Variants in ANO3 observed in about 807,000 individuals in gnomAD.
ANO3 encodes anoctamin-3.
In ANO3, 99 loss-of-function variants were observed where a neutral mutation model predicts 144.8. The observed-to-expected ratio is 0.68, with a 90% confidence interval of 0.58 to 0.81. ANO3 has a LOEUF of 0.81. ANO3 is among the 30% of genes least tolerant of loss of function. The pLI is 0.00. For missense variants in ANO3, 905 were observed against 1,202.2 expected (o/e 0.75, Z 3.66); for synonymous variants, 414 against 392.6 (o/e 1.05, Z -0.64).
intron 6 of ANO3, among the ~76,000 whole-genome samples, chr11:26,517,489 C>G (rs1248055692): frequency 6.6e-6 from 1 of 151,998 alleles, no homozygotes; most frequent in African/African-American, 2.4e-5. Flanking sequence ...TATTGAGTAT[C>G]TTGTGTTTTA....
intron 1 of ANO3, among the ~76,000 whole-genome samples, chr11:26,243,234 T>C (rs1336247274): frequency 6.6e-6 from 1 of 152,160 alleles, no homozygotes; most frequent in Non-Finnish European, 1.5e-5. Flanking sequence ...GTTGCCAGGC[T>C]GGGTATAATC....
chr11:26,330,277 T>TA (rs201778109), upstream of ANO3, among the ~76,000 whole-genome samples: 649 of 151,942 alleles, frequency 4.3e-3, 5 homozygotes, highest in Middle Eastern at 0.024. Flanking sequence ...GAACAAAATT[T>TA]AAAAAAAACA....
chr11:26,264,368 A>T (rs1853260027), intron 1 of ANO3, among the ~76,000 whole-genome samples: 1 of 152,224 alleles, frequency 6.6e-6, no homozygotes, highest in Admixed American at 6.5e-5. Flanking sequence ...GGCACCAGAT[A>T]ATCCCTGAAA....
intron 4 of ANO3, among the ~76,000 whole-genome samples, chr11:26,463,920 G>A (rs7124984): frequency 0.074 from 11,067 of 149,958 alleles, 684 homozygotes; most frequent in African/African-American, 0.17. Context: ...CATTTTTTGT[G>A]TTGATGAAAA....
intron 24 of ANO3, among the ~76,000 whole-genome samples, chr11:26,648,987 G>A (rs1177382748): frequency 6.6e-6 from 1 of 152,138 alleles, no homozygotes; most frequent in African/African-American, 2.4e-5. Flanking sequence ...GGTGATAAAG[G>A]GATGGATATT....
chr11:26,307,721 A>AAATAATAATAATAATAAT (rs56805697), upstream of ANO3, among the ~76,000 whole-genome samples: 11 of 142,512 alleles, frequency 7.7e-5, no homozygotes, highest in Non-Finnish European at 1.2e-4. Flanking sequence ...CTCCGTCTCT[A>AAATAATAATAATAATAAT]AATAATAATA....
chr11:26,217,318 A>T (rs1852053552), intron 1 of ANO3, among the ~76,000 whole-genome samples: 1 of 151,902 alleles, frequency 6.6e-6, no homozygotes, highest in African/African-American at 2.4e-5. Flanking sequence ...GACATTTTTT[A>T]AAATCATCCC....
chr11:26,629,568 G>A (rs1436294618), intron 18 of ANO3, among the ~76,000 whole-genome samples: 13 of 152,142 alleles, frequency 8.5e-5, no homozygotes, highest in Non-Finnish European at 1.5e-5. Flanking sequence ...CAACGTGATA[G>A]GGAGACAGAC....
chr11:26,348,205 C>G (rs1855544407), intron 1 of ANO3, among the ~76,000 whole-genome samples: 1 of 152,076 alleles, frequency 6.6e-6, no homozygotes, highest in Non-Finnish European at 1.5e-5. Flanking sequence ...TATATTATGC[C>G]TTAAATTCTT....
chr11:26,502,494 C>A (rs2134126508), intron 4 of ANO3, among the ~76,000 whole-genome samples: 1 of 152,168 alleles, frequency 6.6e-6, no homozygotes, highest in Admixed American at 6.6e-5. Flanking sequence ...TACTAACTCA[C>A]AAGTATGGTT....
intron 1 of ANO3, among the ~76,000 whole-genome samples, chr11:26,408,653 C>T (rs2133983164): frequency 6.6e-6 from 1 of 150,424 alleles, no homozygotes; most frequent in South Asian, 2.1e-4. Context: ...ATAAATCATG[C>T]TGCTATAAAG....
chr11:26,389,706 T>A (rs1386508595), intron 1 of ANO3, among the ~76,000 whole-genome samples: 2 of 152,132 alleles, frequency 1.3e-5, no homozygotes, highest in Non-Finnish European at 2.9e-5. Flanking sequence ...TGTCTAAAAG[T>A]TGAATATCTC....
At chr11:26,380,567 G>A (rs1482626536) in intron 1 of ANO3, among the ~76,000 whole-genome samples, 2 of 152,140 alleles carry the variant, frequency 1.3e-5, no homozygotes, top group Non-Finnish European at 2.9e-5. Flanking sequence ...TAGGCTCCCT[G>A]AAACCTCTTT....
intron 23 of ANO3, among the ~76,000 whole-genome samples, chr11:26,646,612 G>C (rs1853352937): frequency 6.6e-6 from 1 of 151,824 alleles, no homozygotes; most frequent in Non-Finnish European, 1.5e-5. Flanking sequence ...TTATTTTTGA[G>C]TGCCATTTCT....
chr11:26,214,257 A>AT (rs34007554), intron 1 of ANO3, among the ~76,000 whole-genome samples: 56 of 150,562 alleles, frequency 3.7e-4, no homozygotes, highest in African/African-American at 9.0e-4. Context: ...TAATAAAATA[A>AT]TTTTTTTTTT....
chr11:26,642,472 C>G (rs4998800), intron 22 of ANO3, among the ~76,000 whole-genome samples: 56,825 of 150,582 alleles, frequency 0.38, 11,589 homozygotes, highest in South Asian at 0.49. Flanking sequence ...CTACCTCAGC[C>G]TCTCAAGTAG....
intron 1 of ANO3, among the ~76,000 whole-genome samples, chr11:26,242,316 C>T (rs529987640): frequency 2.8e-3 from 419 of 152,214 alleles, no homozygotes; most frequent in Middle Eastern, 0.01. Context: ...TCTATTGTTT[C>T]ATTTATACTA....
At chr11:26,631,391 T>TA (rs1302142845) in intron 18 of ANO3, among the ~76,000 whole-genome samples, 1 of 152,032 alleles carries the variant, frequency 6.6e-6, no homozygotes, top group African/African-American at 2.4e-5. Flanking sequence ...ATTTATACAT[T>TA]AAAAATAAAT....
intron 1 of ANO3, among the ~76,000 whole-genome samples, chr11:26,221,976 C>T (rs781631665): frequency 1.3e-5 from 2 of 152,172 alleles, no homozygotes; most frequent in Non-Finnish European, 2.9e-5. Flanking sequence ...CATGCTGCCC[C>T]TGAACCCCTA....
Sources: gnomAD v4.1 joint callset for allele counts (sites outside exome capture counted in the v4.1 genomes callset) on GRCh38, gnomAD v4.1.1 for gene constraint, MANE v1.5 for transcripts, NCBI Gene and HGNC (gene_info 2026-07-23, HGNC 2026-07-21) for gene names.